Variants in EPHA8 observed in about 807,000 individuals in gnomAD.
The protein encoded by EPHA8 is EPH receptor A8.
A neutral mutation model predicts 103.6 loss-of-function variants in EPHA8; 58 were observed. The observed-to-expected ratio is 0.56, with a 90% CI of 0.45 to 0.70. EPHA8 has a LOEUF of 0.70. EPHA8 is among the 30% of genes least tolerant of loss of function. EPHA8 has a pLI of 0.00. For synonymous variants in EPHA8, 559 were observed against 572.5 expected (o/e 0.98, Z 0.34); for missense variants, 1,304 against 1,395.2 (o/e 0.93, Z 1.04).
rs764676638 is a variant in EPHA8, at chr1:22,596,134, G to A, written c.1726G>A (p.Asp576Asn). 3.7e-6 allele frequency: 6 copies of A among 1,613,830 alleles called. 1 individual carries two copies. In the East Asian group the frequency reaches 1.1e-4, roughly 30 times the overall value. Residue 576 changes from aspartate to asparagine, a missense_variant, in exon 9 of 17, where the codon GAC (aspartate) becomes AAC (asparagine). Asp to Asn is a conservative substitution (Grantham distance 23). Transcript: ENST00000166244. Reference protein sequence around the residue: ...RHCGYSKAFQDSDEEKMHYQN... With the variant: ...RHCGYSKAFQNSDEEKMHYQN... ...CTGTGGCTACAGCAAGGCCTTCCAG[G>A]ACTCGGACGAGGAGAAGATGCACTA...
At chr1:22,581,325 G>A (rs968179724) in intron 3 of EPHA8, among the ~76,000 whole-genome samples, 3 of 152,184 alleles carry the variant, frequency 2.0e-5, no homozygotes, top group South Asian at 2.1e-4. Context: ...CTGGTTGGCC[G>A]GTGCATACGC....
intron 2 of EPHA8, among the ~76,000 whole-genome samples, chr1:22,574,714 C>T (rs568248973): frequency 5.9e-5 from 9 of 152,312 alleles, no homozygotes; most frequent in African/African-American, 7.2e-5. Context: ...GTTCCTTCTA[C>T]GTTGTGGCTG....
chr1:22,569,395 C>T lies in EPHA8; in HGVS notation c.159+42C>T, dbSNP rs1252727630. 2.6e-6 allele frequency: 4 copies of T among 1,535,778 alleles called. No homozygotes were observed. The highest frequency in any genetic ancestry group is 1.4e-5 in the African/African-American group (1 of 72,246). ...GGGGACAACGTCATCCCTCTGTGAG[C>T]AGAGAGAGGCTGCCACTCACAGAGT... On this transcript the variant is annotated intron_variant, in intron 2 of 16. Transcript: ENST00000166244. The surrounding 1 kb of genome is among the most constrained non-coding windows in gnomAD (Gnocchi z 4.5).
chr1:22,564,657 C>T lies in EPHA8; in HGVS notation c.94+928C>T, dbSNP rs140337372. Among the ~76,000 whole-genome samples the T allele has an allele frequency of 2.5e-3, 386 of 152,148 alleles. 3 individuals carry two copies. Among genetic ancestry groups the T allele is most frequent in the East Asian group, 0.022 (115 of 5,172 alleles). ...TGAGAGGGAGCACCTAAGCCTGCCACCCACACACCCGTTAGCTCCCTGGAG... is the reference window on the plus strand; with the variant it reads ...TGAGAGGGAGCACCTAAGCCTGCCATCCACACACCCGTTAGCTCCCTGGAG... On this transcript the variant is annotated intron_variant, in intron 1 of 16. Coordinates refer to ENST00000166244, the MANE Select transcript of EPHA8 (RefSeq NM_020526.5).
At chr1:22,578,211 T>C (rs1010204362) in intron 3 of EPHA8, among the ~76,000 whole-genome samples, 6 of 137,544 alleles carry the variant, frequency 4.4e-5, no homozygotes, top group African/African-American at 1.6e-4. Context: ...TGCGAGTGTG[T>C]GCGTGTGAGT....
chr1:22,601,727 C>A lies in EPHA8; in HGVS notation c.3004C>A (p.Arg1002Ser). 6.4e-7 allele frequency: 1 copy of A among 1,561,792 alleles called. No homozygotes were observed. Among genetic ancestry groups the A allele is most frequent in the East Asian group, 2.4e-5 (1 of 41,460 alleles). ...RAQLTSTQGP[R>S]RHL ...CCAGCTGACCAGCACCCAGGGGCCC[C>A]GCCGGCACCTCTGATGTACAGCCAG... is the stretch of plus-strand genomic sequence containing the variant. Residue 1002 changes from arginine to serine, a missense_variant, in exon 17 of 17, where the codon CGC becomes AGC. By Grantham distance (110) the Arg-to-Ser change is moderately radical. Coordinates refer to ENST00000166244, the MANE Select transcript of EPHA8 (RefSeq NM_020526.5).
chr1:22,598,300 C>T lies in EPHA8; in HGVS notation c.2178+88C>T. On this transcript the variant is annotated intron_variant, in intron 12 of 16. Transcript: ENST00000166244. This position sits in a 1 kb window ranked among gnomAD's most constrained non-coding sequence, Gnocchi z 5.1. ...GAGATAGTGCAAAGCCCTCTAAGCC[C>T]CCTCCCTGGCTTGGACACCACAGGC... 1.5e-6 allele frequency: 2 copies of T among 1,355,688 alleles called. No homozygotes were observed. The highest frequency in any genetic ancestry group is 1.0e-6 in the Non-Finnish European group (1 of 973,382). The allele number at this position is 1,355,688 out of a possible 1,614,324, so 84.0% of individuals were successfully genotyped here.
At chr1:22,564,865 C>T (rs1640312028) in intron 1 of EPHA8, among the ~76,000 whole-genome samples, 1 of 152,132 alleles carries the variant, frequency 6.6e-6, no homozygotes, top group African/African-American at 2.4e-5. Flanking sequence ...GATGAACTTC[C>T]AGGTGTAAGC....
chr1:22,573,320 C>T lies in EPHA8; in HGVS notation c.160-2897C>T, dbSNP rs183719102. Among the ~76,000 whole-genome samples, 404 of 152,284 alleles carry T rather than the reference C, an allele frequency of 2.7e-3. 3 individuals carry two copies. Among genetic ancestry groups the T allele is most frequent in the African/African-American group, 9.0e-3 (375 of 41,548 alleles). ...CGTCAAGGGCCTTCCCGTGCCAGGC[C>T]TGAGCTAAGCACTTTGCAGAAATTT... is the stretch of plus-strand genomic sequence containing the variant. On this transcript the variant is annotated intron_variant, in intron 2 of 16. Transcript: ENST00000166244.
At chr1:22,601,249 G>A in intron 15 of EPHA8, 51 bp from the exon 16 acceptor site, 2 of 1,556,234 alleles carry the variant, frequency 1.3e-6, no homozygotes, top group South Asian at 1.2e-5. Flanking sequence ...TCTTCTGGGG[G>A]TCCAGCCTCC....
Position 22,601,698 on chromosome 1 carries a change from G to A in EPHA8, c.2975G>A (p.Arg992Gln), listed in dbSNP as rs199804540. 1.0e-4 allele frequency: 166 copies of A among 1,581,066 alleles called. No individual in the cohort carries two copies. The highest frequency in any genetic ancestry group is 3.5e-5 in the Admixed American group (2 of 56,994). ...KKILGSIQTMRAQLTSTQGPR... is the reference protein window; with the variant it reads ...KKILGSIQTMQAQLTSTQGPR... Reference sequence around the variant, plus strand: ...ATCCTGGGCAGCATTCAGACCATGCGGGCCCAGCTGACCAGCACCCAGGGG... The same window carrying A: ...ATCCTGGGCAGCATTCAGACCATGCAGGCCCAGCTGACCAGCACCCAGGGG... The change falls in exon 17 of 17, where the codon CGG becomes CAG. Residue 992 changes from arginine (R) to glutamine (Q), a missense_variant. Transcript: ENST00000166244.
chr1:22,599,620 AGAAG>A (rs1413031201), intron 13 of EPHA8, among the ~76,000 whole-genome samples: 65 of 106,760 alleles, frequency 6.1e-4, no homozygotes, highest in Middle Eastern at 4.5e-3. Flanking sequence ...GGAGGGAGGA[AGAAG>A]GGAAGGAAGG....
chr1:22,574,394 T>C (rs1640626828), intron 2 of EPHA8, among the ~76,000 whole-genome samples: 2 of 152,238 alleles, frequency 1.3e-5, no homozygotes, highest in South Asian at 4.1e-4. Flanking sequence ...CACATTGCTG[T>C]GTGGCCATCA....
In EPHA8 at chr1:22,595,289, G is replaced by C. The variant is rs202042511; in HGVS notation, c.1663G>C (p.Val555Leu). The C allele has an allele frequency of 2.5e-6, 4 of 1,613,868 alleles. No individual in the cohort carries two copies. The South Asian group carries it at 4.4e-5, about 18-fold the overall frequency. ...WICLTLITGL[V>L]VLLLLLICKK... is the part of the protein sequence containing the mutation. Reference sequence around the variant, plus strand: ...CTGCCTGACGCTCATCACGGGCCTGGTGGTGCTTCTGCTCCTGCTCATCTG... The same window carrying C: ...CTGCCTGACGCTCATCACGGGCCTGCTGGTGCTTCTGCTCCTGCTCATCTG... Residue 555 changes from valine to leucine, a missense_variant, in exon 8 of 17, where the codon GTG (valine) becomes CTG (leucine). Physicochemically the swap from Val to Leu is conservative, Grantham distance 32 (BLOSUM62 1). Coordinates refer to ENST00000166244, the MANE Select transcript of EPHA8 (RefSeq NM_020526.5).
intron 3 of EPHA8, among the ~76,000 whole-genome samples, chr1:22,582,729 C>T (rs571250807): frequency 6.6e-6 from 1 of 152,326 alleles, no homozygotes; most frequent in East Asian, 1.9e-4. Flanking sequence ...CCACACCAGA[C>T]TGCACTTCCC....
chr1:22,577,722 G>C (rs757910479), intron 3 of EPHA8, among the ~76,000 whole-genome samples: 9 of 151,892 alleles, frequency 5.9e-5, no homozygotes, highest in Non-Finnish European at 1.3e-4. Context: ...GTCGGAGCAG[G>C]AGCAAGGCAT....
intron 3 of EPHA8, among the ~76,000 whole-genome samples, chr1:22,578,550 AGT>A (rs973121066): frequency 1.3e-4 from 14 of 108,868 alleles, no homozygotes; most frequent in South Asian, 3.4e-4. Context: ...TGTGTGCGTG[AGT>A]GTGCACATTT....
intron 2 of EPHA8, among the ~76,000 whole-genome samples, chr1:22,575,780 G>A (rs1183363753): frequency 6.6e-6 from 1 of 152,092 alleles, no homozygotes; most frequent in African/African-American, 2.4e-5. Flanking sequence ...GTGGGGGCAA[G>A]GCATAGTCTG....
rs1171782872 is a variant in EPHA8 at position 22,597,090 on chromosome 1, G to A, written c.1766-222G>A. 6.6e-6 allele frequency among the ~76,000 whole-genome samples: 1 copy of A among 152,080 alleles called. No individual in the cohort carries two copies. The highest frequency in any genetic ancestry group is 2.4e-5 in the African/African-American group (1 of 41,418). ...CCCCAGAAAATGACAGACATGCCCA[G>A]AACTCACTGGAGACTCCACAGCCCC... On this transcript the variant is annotated intron_variant, in intron 9 of 16. Coordinates refer to ENST00000166244, the MANE Select transcript of EPHA8 (RefSeq NM_020526.5). The surrounding 1 kb of genome is among the most constrained non-coding windows in gnomAD (Gnocchi z 4.6).
Sources: gnomAD v4.1 joint callset for allele counts (sites outside exome capture counted in the v4.1 genomes callset) on GRCh38, gnomAD v4.1.1 for gene constraint, Gnocchi (gnomAD v3.1) non-coding constraint, MANE v1.5 for transcripts, NCBI Gene and HGNC (gene_info 2026-07-23, HGNC 2026-07-21) for gene names.